GAN: variants seen among roughly 807,000 people sequenced by gnomAD.
GAN encodes the protein gigaxonin, also known as epididymis secretory sperm binding protein.
A neutral mutation model predicts 71.3 loss-of-function variants in GAN; 48 were observed. The ratio of observed to expected loss-of-function variants is 0.67; its 90% CI spans 0.53 to 0.86. The LOEUF (loss-of-function observed/expected upper bound fraction) is 0.86, where lower values mean the gene tolerates loss of function less well. Among genes scored for constraint, GAN ranks in the 40% least tolerant of loss-of-function variants. The pLI, the probability that GAN is intolerant of heterozygous loss-of-function variation, is 0.00. For synonymous variants in GAN, 386 were observed against 276.8 expected (o/e 1.39, Z -3.92); for missense variants, 928 against 770.1 (o/e 1.21, Z -2.43).
intron 1 of GAN, among the ~76,000 whole-genome samples, chr16:81,341,018 C>T (rs374656185): frequency 7.9e-5 from 12 of 151,242 alleles, no homozygotes; most frequent in African/African-American, 2.2e-4. Context: ...GTAGCTGATT[C>T]GATCAAGCAG....
chr16:81,324,888 A>T (rs1909332101), intron 1 of GAN, among the ~76,000 whole-genome samples: 1 of 152,232 alleles, frequency 6.6e-6, no homozygotes. Flanking sequence ...CCGTTTCAGC[A>T]GGTGCTGCAG....
chr16:81,354,659 A>C lies in GAN; in HGVS notation c.537A>C (p.Lys179Asn). Reference sequence around the variant, plus strand: ...TAGAGCTGAGTCCTCAAAAGCTTAAAGAAGTGATTTCTCTTGAGAAGTTAA... The same window carrying C: ...TAGAGCTGAGTCCTCAAAAGCTTAACGAAGTGATTTCTCTTGAGAAGTTAA... ...EFLELSPQKL[K>N]EVISLEKLNV... The change falls in exon 3 of 11, where the codon AAA becomes AAC. Residue 179 changes from lysine (K) to asparagine (N), a missense_variant. Physicochemically the swap from Lys to Asn is moderately conservative, Grantham distance 94. Coordinates refer to ENST00000648994, the MANE Select transcript of GAN (RefSeq NM_022041.4). 1.9e-6 allele frequency: 3 copies of C among 1,613,832 alleles called. No homozygotes were observed. Among genetic ancestry groups the C allele is most frequent in the Non-Finnish European group, 2.5e-6 (3 of 1,179,662 alleles).
At chr16:81,367,199 C>T (rs1421596193) in intron 9 of GAN, among the ~76,000 whole-genome samples, 1 of 152,076 alleles carries the variant, frequency 6.6e-6, no homozygotes, top group Non-Finnish European at 1.5e-5. Context: ...AATAATTAAA[C>T]GTAAGACTGT....
chr16:81,374,310 T>A (rs960432539), intron 9 of GAN, among the ~76,000 whole-genome samples: 1 of 152,174 alleles, frequency 6.6e-6, no homozygotes, highest in Non-Finnish European at 1.5e-5. Context: ...CACTGGAAAG[T>A]TAACTGATTT....
chr16:81,337,439 C>T (rs1909800652), intron 1 of GAN, among the ~76,000 whole-genome samples: 1 of 152,170 alleles, frequency 6.6e-6, no homozygotes, highest in Non-Finnish European at 1.5e-5. Context: ...GAAGAAAAGT[C>T]ACTTAGACTT....
At chr16:81,361,678 C>T (rs1255658966) in intron 5 of GAN, among the ~76,000 whole-genome samples, 1 of 152,178 alleles carries the variant, frequency 6.6e-6, no homozygotes, top group Non-Finnish European at 1.5e-5. Flanking sequence ...GTTGGCTTCT[C>T]CTCTTCTAAG....
At position 81,385,103 on chromosome 16, in the gene GAN, T is replaced by C. The variant is rs909189784; in HGVS notation, c.*7507T>C. ...AAGTATAGCCAAGTTTAACTGTCGT[T>C]GTGTATTAATAAGATTTAATTTTTA... On this transcript the variant is annotated 3_prime_UTR_variant, in exon 11 of 11. Transcript: ENST00000648994. 9.8e-5 allele frequency: 15 copies of C among 153,610 alleles called. No homozygotes were observed. The highest frequency in any genetic ancestry group is 1.9e-4 in the Non-Finnish European group (13 of 68,196). The allele number at this position is 153,610 out of a possible 1,614,324, so 9.5% of individuals were successfully genotyped here.
intron 3 of GAN, among the ~76,000 whole-genome samples, chr16:81,355,609 C>G (rs1248236015): frequency 6.6e-6 from 1 of 152,188 alleles, no homozygotes; most frequent in African/African-American, 2.4e-5. Flanking sequence ...GCAATCCTCC[C>G]ACTCTAGCTT....
chr16:81,369,060 C>T (rs1405588463), intron 9 of GAN, among the ~76,000 whole-genome samples: 1 of 152,180 alleles, frequency 6.6e-6, no homozygotes, highest in African/African-American at 2.4e-5. Flanking sequence ...TGTTTTACTG[C>T]CTCCGTGCAT....
chr16:81,327,347 T>C (rs1909423722), intron 1 of GAN, among the ~76,000 whole-genome samples: 1 of 152,168 alleles, frequency 6.6e-6, no homozygotes, highest in Admixed American at 6.5e-5. Context: ...AGATGGAGCT[T>C]AAACATGCTA....
intron 2 of GAN, among the ~76,000 whole-genome samples, chr16:81,353,058 G>T (rs1388281560): frequency 6.6e-6 from 1 of 152,184 alleles, no homozygotes; most frequent in South Asian, 2.1e-4. Context: ...TTGGGAGGCC[G>T]AGGCGGGTGG....
In GAN at chr16:81,377,804, G is replaced by A; in HGVS notation, c.*208G>A. The A allele has an allele frequency of 3.4e-6, 2 of 595,924 alleles. No individual in the cohort carries two copies. Among genetic ancestry groups the A allele is most frequent in the South Asian group, 2.0e-5 (1 of 50,978 alleles). The allele number at this position is 595,924 out of a possible 1,614,324, so 36.9% of individuals were successfully genotyped here. A position where few individuals can be genotyped will look rare whatever the true frequency, so the allele number is the denominator to read the frequency against. On this transcript the variant is annotated 3_prime_UTR_variant, in exon 11 of 11. Transcript: ENST00000648994. ...TTGAAAAACTACCTGGGAGGAGTGA[G>A]TTCCTCCAGTTAAATGTGGCTGTAG...
chr16:81,390,138 G>T lies in GAN; in HGVS notation c.*12542G>T, dbSNP rs1904520503. The T allele has an allele frequency of 6.6e-6, 1 of 152,142 alleles. No homozygotes were observed. The highest frequency in any genetic ancestry group is 6.5e-5 in the Admixed American group (1 of 15,272). The allele number at this position is 152,142 out of a possible 1,614,324, so 9.4% of individuals were successfully genotyped here. On this transcript the variant is annotated 3_prime_UTR_variant, in exon 11 of 11. Transcript: ENST00000648994. The stretch of plus-strand genomic sequence containing the variant: ...CTACTGAAAAACAGGGATTTGCAAT[G>T]AAAATCATAGCTAAATAGGCAGGTT...
At position 81,390,198 on chromosome 16, in the gene GAN, T is replaced by A. The variant is rs1200066555; in HGVS notation, c.*12602T>A. 2.0e-5 allele frequency: 3 copies of A among 152,220 alleles called. No individual in the cohort carries two copies. The highest frequency in any genetic ancestry group is 1.9e-4 in the East Asian group (1 of 5,204). The allele number at this position is 152,220 out of a possible 1,614,324, so 9.4% of individuals were successfully genotyped here. A position where few individuals can be genotyped will look rare whatever the true frequency, so the allele number is the denominator to read the frequency against. On this transcript the variant is annotated 3_prime_UTR_variant, in exon 11 of 11. Coordinates refer to ENST00000648994, the MANE Select transcript of GAN (RefSeq NM_022041.4). Reference sequence around the variant, plus strand: ...CAAAATATTGGAAGTGCTAGAAGGCTGCAACTTGTAAAATTGTACTCCCCA... The same window carrying A: ...CAAAATATTGGAAGTGCTAGAAGGCAGCAACTTGTAAAATTGTACTCCCCA...
At chr16:81,323,183 G>A (rs1340149932) in intron 1 of GAN, among the ~76,000 whole-genome samples, 1 of 152,156 alleles carries the variant, frequency 6.6e-6, no homozygotes, top group Non-Finnish European at 1.5e-5. Context: ...TTGACACTTA[G>A]TATAACAGAT....
At position 81,365,323 on chromosome 16, in the gene GAN, C is replaced by A. The variant is rs746211490; in HGVS notation, c.1374-27C>A. On this transcript the variant is annotated intron_variant, in intron 8 of 10. Coordinates refer to ENST00000648994, the MANE Select transcript of GAN (RefSeq NM_022041.4). ...AGATCTCGCATTGTACAGCTTGTGC[C>A]TGATAACGCTGTGTGTGGCCTTTCA... 4 of 1,613,340 alleles carry A rather than the reference C, an allele frequency of 2.5e-6. No individual in the cohort carries two copies. In the South Asian group the frequency reaches 4.4e-5, roughly 18 times the overall value.
At chr16:81,360,233 A>G (rs1910631940) in intron 5 of GAN, among the ~76,000 whole-genome samples, 1 of 152,112 alleles carries the variant, frequency 6.6e-6, no homozygotes, top group African/African-American at 2.4e-5. Flanking sequence ...ATCCTTTTGA[A>G]TTTCCTTTAA....
In GAN at chr16:81,356,938, C is replaced by A. The variant is rs777669477; in HGVS notation, c.787C>A (p.Leu263Met). 5 of 1,613,662 alleles carry A rather than the reference C, an allele frequency of 3.1e-6. No individual in the cohort carries two copies. The highest frequency in any genetic ancestry group is 4.2e-6 in the Non-Finnish European group (5 of 1,179,862). ...CCAGCCGCAGCAAGGGGAGGCGATG[C>A]TGGCCAACTTCAAACCCCGGGGCTA... ...LSQPQQGEAM[L>M]ANFKPRGYSE... The change falls in exon 4 of 11, where the codon CTG becomes ATG. Residue 263 changes from leucine to methionine, a missense_variant. By Grantham distance (15) the Leu-to-Met change is conservative. Coordinates refer to ENST00000648994, the MANE Select transcript of GAN (RefSeq NM_022041.4).
intron 9 of GAN, among the ~76,000 whole-genome samples, chr16:81,370,894 T>A (rs547329766): frequency 5.1e-4 from 78 of 152,236 alleles, no homozygotes; most frequent in Non-Finnish European, 9.1e-4. Flanking sequence ...CTAGATTACT[T>A]ATGGTAGATC....
Sources: allele counts gnomAD v4.1 joint callset (sites outside exome capture counted in the v4.1 genomes callset), GRCh38; gene constraint gnomAD v4.1.1; transcripts MANE v1.5; gene names NCBI Gene and HGNC (gene_info 2026-07-23, HGNC 2026-07-21).